The following ITSN2 variants were observed in gnomAD, a reference collection of about 807,000 sequenced individuals.
The protein encoded by ITSN2 is intersectin 2, also known as intersectin-2.
A neutral mutation model predicts 243.7 loss-of-function variants in ITSN2; 156 were observed. That is an observed-to-expected ratio of 0.64 (90% confidence interval 0.56 to 0.73). The LOEUF (loss-of-function observed/expected upper bound fraction) is 0.73, where lower values mean the gene tolerates loss of function less well. Among genes scored for constraint, ITSN2 ranks in the 30% least tolerant of loss-of-function variants. ITSN2 has a pLI of 0.00. For synonymous variants in ITSN2, 703 were observed against 699.9 expected (o/e 1.00, Z -0.07); for missense variants, 1,801 against 1,996.1 (o/e 0.90, Z 1.86).
intron 2 of ITSN2, among the ~76,000 whole-genome samples, chr2:24,320,936 T>G (rs1684496001): frequency 6.6e-6 from 1 of 152,172 alleles, no homozygotes; most frequent in Non-Finnish European, 1.5e-5. Flanking sequence ...TAAATCAGAC[T>G]TAGTCCCAGC....
At chr2:24,352,877 G>T (rs1238103509) in intron 1 of ITSN2, among the ~76,000 whole-genome samples, 3 of 152,186 alleles carry the variant, frequency 2.0e-5, no homozygotes, top group Non-Finnish European at 4.4e-5. Flanking sequence ...GTCCCAGGGG[G>T]ACTGATAATA....
intron 1 of ITSN2, among the ~76,000 whole-genome samples, chr2:24,340,067 G>A (rs1260756470): frequency 1.3e-5 from 2 of 151,802 alleles, no homozygotes; most frequent in African/African-American, 4.8e-5. Context: ...AAAACAAGTA[G>A]AAGCCAAAGA....
chr2:24,310,024 G>A (rs1380310802), intron 7 of ITSN2, among the ~76,000 whole-genome samples: 2 of 151,686 alleles, frequency 1.3e-5, no homozygotes, highest in African/African-American at 4.8e-5. Flanking sequence ...ACAGCTTTAG[G>A]CAAAGAAAAA....
At position 24,339,178 on chromosome 2, in the gene ITSN2, G is replaced by T. The variant is rs117532498; in HGVS notation, c.-33-11063C>A. ...GATTTGAGAGTGATGTAATTTCAAA[G>T]AAGTCACTTCATCTTAAGAGGTACA... On this transcript the variant is annotated intron_variant, in intron 1 of 39. Transcript: ENST00000355123. Among the ~76,000 whole-genome samples the T allele has an allele frequency of 9.2e-4, 140 of 152,170 alleles. 3 individuals are homozygous for T. In the East Asian group the frequency reaches 0.023, roughly 25 times the overall value.
intron 9 of ITSN2, among the ~76,000 whole-genome samples, chr2:24,303,050 T>C (rs1681989281): frequency 6.6e-6 from 1 of 152,192 alleles, no homozygotes; most frequent in Non-Finnish European, 1.5e-5. Context: ...GTACAGCATA[T>C]ACAATTATCT....
intron 7 of ITSN2, 82 bp from the exon 8 acceptor site, chr2:24,308,838 A>C: frequency 1.2e-6 from 1 of 854,926 alleles, no homozygotes; most frequent in Non-Finnish European, 1.7e-6. Context: ...GGCATTAAGA[A>C]TCTTATATAC....
At chr2:24,277,860 A>G (rs1281336994) in intron 17 of ITSN2, among the ~76,000 whole-genome samples, 2 of 152,184 alleles carry the variant, frequency 1.3e-5, no homozygotes, top group African/African-American at 2.4e-5. Context: ...AAATTGCAAA[A>G]ACAAATCTCA....
chr2:24,321,473 T>A (rs1684571419), intron 2 of ITSN2, among the ~76,000 whole-genome samples: 1 of 152,202 alleles, frequency 6.6e-6, no homozygotes, highest in African/African-American at 2.4e-5. Flanking sequence ...CCTAAATGAC[T>A]GGATTAAAAA....
intron 15 of ITSN2, among the ~76,000 whole-genome samples, chr2:24,292,807 T>C (rs1020344957): frequency 3.3e-5 from 5 of 152,232 alleles, no homozygotes; most frequent in African/African-American, 7.2e-5. Context: ...TCATCAATAA[T>C]GAGGCAGTGA....
Position 24,246,299 on chromosome 2 carries a change from T to C in ITSN2, c.3407A>G (p.Tyr1136Cys). 1 of 1,607,418 alleles carries C rather than the reference T, an allele frequency of 6.2e-7. No individual in the cohort carries two copies. The highest frequency in any genetic ancestry group is 8.5e-7 in the Non-Finnish European group (1 of 1,175,518). The change falls in exon 29 of 40, where the codon TAT becomes TGT. Residue 1136 changes from tyrosine (Y) to cysteine (C), a missense_variant. By Grantham distance (194) the Tyr-to-Cys change is radical. Transcript: ENST00000355123. ...ATCTTCATTATTTGCTGCATAGTCA[T>C]ACATAGCAATCACCTGACATACTAT... is the stretch of plus-strand genomic sequence containing the variant. ...FHPVCQVIAM[Y>C]DYAANNEDEL...
intron 13 of ITSN2, among the ~76,000 whole-genome samples, chr2:24,297,728 T>C (rs1451157934): frequency 2.6e-5 from 4 of 152,106 alleles, no homozygotes; most frequent in Admixed American, 6.5e-5. Context: ...GAGACCAATC[T>C]GAAAACTGAA....
At chr2:24,345,825 CAATTTA>C (rs1171318374) in intron 1 of ITSN2, among the ~76,000 whole-genome samples, 8 of 151,932 alleles carry the variant, frequency 5.3e-5, no homozygotes, top group Non-Finnish European at 1.2e-4. Context: ...TTCATTATAC[CAATTTA>C]AATTTGTTGG....
chr2:24,256,702 G>C (rs1675095213), intron 23 of ITSN2, among the ~76,000 whole-genome samples: 3 of 151,992 alleles, frequency 2.0e-5, no homozygotes. Flanking sequence ...TGATTGAGCA[G>C]CTACTATGCA....
chr2:24,264,315 AG>A (rs1676309931), intron 20 of ITSN2, among the ~76,000 whole-genome samples: 1 of 151,846 alleles, frequency 6.6e-6, no homozygotes, highest in African/African-American at 2.4e-5. Context: ...CGCTTGAACC[AG>A]GAAGGAGGTT....
chr2:24,224,045 C>A lies in ITSN2; in HGVS notation c.3578-2979G>T, dbSNP rs796179779. On this transcript the variant is annotated intron_variant, in intron 29 of 39. Transcript: ENST00000355123. ...TCACTGAGGCTAATCCAAATGTCTG[C>A]TTGACGAGGCTTTTGTGGAGCAAGG... Among the ~76,000 whole-genome samples the A allele has an allele frequency of 6.3e-5, 6 of 95,354 alleles. 1 individual carries two copies. The highest frequency in any genetic ancestry group is 2.5e-4 in the African/African-American group (6 of 23,702). The allele number at this position is 95,354 out of a possible 152,430, so 62.6% of individuals were successfully genotyped here.
intron 11 of ITSN2, 87 bp from the exon 12 acceptor site, chr2:24,300,258 T>C (rs923399310): frequency 7.9e-6 from 10 of 1,273,498 alleles, no homozygotes; most frequent in Non-Finnish European, 1.1e-5. Context: ...TGCCTTGTGA[T>C]CATTTGAGTG....
intron 21 of ITSN2, 80 bp downstream of exon 21, chr2:24,261,481 T>C (rs1044422837): frequency 7.0e-6 from 8 of 1,142,088 alleles, no homozygotes; most frequent in Admixed American, 4.1e-5. Flanking sequence ...TATGATGAAG[T>C]AGTAGGCTGA....
chr2:24,207,620 T>C (rs1198104882), intron 37 of ITSN2, among the ~76,000 whole-genome samples: 3 of 151,374 alleles, frequency 2.0e-5, no homozygotes, highest in Non-Finnish European at 4.4e-5. Context: ...GGCCATGGGG[T>C]CCAGAGGGAA....
chr2:24,246,692 AAAG>A, intron 28 of ITSN2, 102 bp downstream of exon 28: 1 of 738,234 alleles, frequency 1.4e-6, no homozygotes, highest in South Asian at 1.8e-5. Flanking sequence ...AGACATAAGG[AAAG>A]AACACATTTT....
Sources: allele counts gnomAD v4.1 joint callset (sites outside exome capture counted in the v4.1 genomes callset), GRCh38; gene constraint gnomAD v4.1.1; transcripts MANE v1.5; gene names NCBI Gene and HGNC (gene_info 2026-07-23, HGNC 2026-07-21).